C1GALT1: variants seen among roughly 807,000 people sequenced by gnomAD.
The protein encoded by C1GALT1 is core 1 synthase, glycoprotein-N-acetylgalactosamine 3-beta-galactosyltransferase 1, also known as glycoprotein-N-acetylgalactosamine 3-beta-galactosyltransferase 1.
C1GALT1 carries 11 observed loss-of-function variants against 31.0 expected under a neutral mutation model. The ratio of observed to expected loss-of-function variants is 0.36; its 90% CI spans 0.22 to 0.59. The LOEUF is 0.59. Ranked by LOEUF, C1GALT1 falls within the 20% of genes least tolerant of loss-of-function variation. C1GALT1 has a pLI of 0.79. For missense variants in C1GALT1, 424 were observed against 425.2 expected (o/e 1.00, Z 0.03); for synonymous variants, 175 against 143.6 (o/e 1.22, Z -1.56).
chr7:7,227,318 G>A (rs994344136), intron 1 of C1GALT1, among the ~76,000 whole-genome samples: 10 of 152,186 alleles, frequency 6.6e-5, no homozygotes, highest in African/African-American at 9.6e-5. Flanking sequence ...AGGCCTTTAA[G>A]GAAGTGATTG....
chr7:7,182,206 C>T (rs553321632), upstream of C1GALT1, among the ~76,000 whole-genome samples: 4 of 152,300 alleles, frequency 2.6e-5, no homozygotes, highest in East Asian at 7.7e-4. Context: ...CACAAGAGTC[C>T]TGCAGGGTTA....
chr7:7,194,965 G>C (rs1583757842), intron 1 of C1GALT1, among the ~76,000 whole-genome samples: 1 of 151,992 alleles, frequency 6.6e-6, no homozygotes, highest in Non-Finnish European at 1.5e-5. Flanking sequence ...GAGCATAAAG[G>C]GGTTCATAGT....
In C1GALT1 at chr7:7,247,384, A is replaced by AGAT. The variant is rs1783888456; in HGVS notation, c.*3658_*3660dup. 6.6e-6 allele frequency: 1 copy of AGAT among 152,134 alleles called. No individual in the cohort carries two copies. Among genetic ancestry groups the AGAT allele is most frequent in the African/African-American group, 2.4e-5 (1 of 41,448 alleles). 9.4% of individuals were successfully genotyped at this position (152,134 alleles called of 1,614,324 possible). A position where few individuals can be genotyped will look rare whatever the true frequency, so the allele number is the denominator to read the frequency against. ...TTGTATTTTCTAGTGGGAAGTTCAT[A>AGAT]GATAAAGCAGATTTTTGTCCCAGTT... On this transcript the variant is annotated 3_prime_UTR_variant, in exon 4 of 4. Transcript: ENST00000436587.
chr7:7,209,993 G>A (rs1781918015), intron 1 of C1GALT1, among the ~76,000 whole-genome samples: 1 of 152,156 alleles, frequency 6.6e-6, no homozygotes, highest in African/African-American at 2.4e-5. Flanking sequence ...GCCAGGATGA[G>A]CCAGGGGAAG....
At chr7:7,206,630 C>A (rs6977398) in intron 1 of C1GALT1, among the ~76,000 whole-genome samples, 4 of 150,096 alleles carry the variant, frequency 2.7e-5, no homozygotes, top group Admixed American at 2.7e-4. Flanking sequence ...TAGCCACGAT[C>A]GCGCCATTGC....
intron 1 of C1GALT1, among the ~76,000 whole-genome samples, chr7:7,200,794 C>T (rs1168654321): frequency 6.6e-6 from 1 of 152,222 alleles, no homozygotes; most frequent in Non-Finnish European, 1.5e-5. Context: ...AATTCGGCTA[C>T]TGAAGCTTGT....
At chr7:7,205,311 C>T (rs1373555461) in intron 1 of C1GALT1, among the ~76,000 whole-genome samples, 2 of 152,044 alleles carry the variant, frequency 1.3e-5, no homozygotes, top group African/African-American at 2.4e-5. Flanking sequence ...TAATAGACTG[C>T]CGCTGGAAGT....
intron 1 of C1GALT1, among the ~76,000 whole-genome samples, chr7:7,198,319 AT>A (rs1781386612): frequency 6.6e-6 from 1 of 152,180 alleles, no homozygotes; most frequent in African/African-American, 2.4e-5. Context: ...GGTTCTGTTT[AT>A]ATGATGGATT....
chr7:7,222,461 A>G (rs1320479056), intron 1 of C1GALT1, among the ~76,000 whole-genome samples: 3 of 152,200 alleles, frequency 2.0e-5, no homozygotes, highest in Non-Finnish European at 4.4e-5. Flanking sequence ...GTCAGATTTG[A>G]TAATTAGCTT....
intron 1 of C1GALT1, among the ~76,000 whole-genome samples, chr7:7,233,324 T>G (rs1176703286): frequency 6.6e-6 from 1 of 152,134 alleles, no homozygotes; most frequent in East Asian, 1.9e-4. Context: ...AGTTGAGTGG[T>G]GCAGTCTTGG....
intron 2 of C1GALT1, among the ~76,000 whole-genome samples, chr7:7,169,728 T>A (rs76458951): frequency 0.011 from 1,660 of 152,282 alleles, 21 homozygotes; most frequent in African/African-American, 0.038. Flanking sequence ...TCGTGTTGTT[T>A]GTCTTTTAAG....
chr7:7,188,855 G>A (rs1210605243), intron 1 of C1GALT1, among the ~76,000 whole-genome samples: 1 of 152,108 alleles, frequency 6.6e-6, no homozygotes, highest in Admixed American at 6.5e-5. Context: ...CAGACTAACC[G>A]ATAAGCATGA....
At position 7,243,872 on chromosome 7, in the gene C1GALT1, A is replaced by T; in HGVS notation, c.*145A>T. ...GAAACCTTTCACATGAATGACTATA[A>T]ACTGAAGCTTTAAATGAGCTGTGAA... is the stretch of plus-strand genomic sequence containing the variant. On this transcript the variant is annotated 3_prime_UTR_variant, in exon 4 of 4. Transcript: ENST00000436587. The T allele has an allele frequency of 1.7e-6, 1 of 578,978 alleles. No homozygotes were observed. The highest frequency in any genetic ancestry group is 3.6e-5 in the Admixed American group (1 of 27,966). The allele number at this position is 578,978 out of a possible 1,614,324, so 35.9% of individuals were successfully genotyped here.
rs1287029250 is a variant in C1GALT1 at position 7,234,531 on chromosome 7, A to T, written c.212A>T (p.Gln71Leu). The T allele has an allele frequency of 6.2e-7, 1 of 1,606,268 alleles. No homozygotes were observed. Among genetic ancestry groups the T allele is most frequent in the Non-Finnish European group, 8.5e-7 (1 of 1,172,994 alleles). The change falls in exon 2 of 4, where the codon CAA (glutamine) becomes CTA (leucine). Residue 71 changes from glutamine to leucine, a missense_variant. By Grantham distance (113) the Gln-to-Leu change is moderately radical. This residue lies in a region of C1GALT1 where 189 missense variants were observed against 158.2 expected (regional missense o/e 1.19). Transcript: ENST00000436587. ...GQMNFNADSS[Q>L]HKDENTDIAE... ...ATGAACTTCAATGCAGATTCTAGCC[A>T]ACATAAAGGTATGGTTTACTTTATT... is the stretch of plus-strand genomic sequence containing the variant.
chr7:7,217,425 C>G (rs1203663417), intron 1 of C1GALT1, among the ~76,000 whole-genome samples: 2 of 151,954 alleles, frequency 1.3e-5, no homozygotes, highest in Non-Finnish European at 2.9e-5. Flanking sequence ...GTGTAGTGGT[C>G]ATTCACAAGT....
chr7:7,228,014 C>T (rs934144079), intron 1 of C1GALT1, among the ~76,000 whole-genome samples: 1 of 152,128 alleles, frequency 6.6e-6, no homozygotes, highest in Non-Finnish European at 1.5e-5. Context: ...ATTCCTGATT[C>T]AGATTGCTAG....
chr7:7,217,156 G>A (rs540189132), intron 1 of C1GALT1, among the ~76,000 whole-genome samples: 1 of 152,338 alleles, frequency 6.6e-6, no homozygotes, highest in East Asian at 1.9e-4. Context: ...TAATGGTTCT[G>A]ATGAGTGAAG....
At chr7:7,169,289 G>C (rs1028426678) in intron 2 of C1GALT1, among the ~76,000 whole-genome samples, 1 of 151,974 alleles carries the variant, frequency 6.6e-6, no homozygotes, top group Non-Finnish European at 1.5e-5. Flanking sequence ...TCCACCTTTT[G>C]GCTATTATGA....
chr7:7,224,736 T>C (rs944722064), intron 1 of C1GALT1, among the ~76,000 whole-genome samples: 1 of 152,172 alleles, frequency 6.6e-6, no homozygotes, highest in Non-Finnish European at 1.5e-5. Flanking sequence ...TTAGAGGCTG[T>C]CCATTTTATT....
Sources: gnomAD v4.1 joint callset for allele counts (sites outside exome capture counted in the v4.1 genomes callset) on GRCh38, gnomAD v4.1.1 for gene constraint, gnomAD v4.1.1 regional missense constraint, MANE v1.5 for transcripts, NCBI Gene and HGNC (gene_info 2026-07-23, HGNC 2026-07-21) for gene names.